Variants in ENTPD3 observed in about 807,000 individuals in gnomAD.
The protein encoded by ENTPD3 is CD39 antigen-like 3.
In ENTPD3, 60 loss-of-function variants were observed where a neutral mutation model predicts 51.2. The ratio of observed to expected loss-of-function variants is 1.17; its 90% confidence interval spans 0.95 to 1.45. ENTPD3 has a LOEUF of 1.45. ENTPD3 is among the 40% of genes most tolerant of loss of function. The probability of loss-of-function intolerance (pLI) is 0.00; values close to 1 mark genes in which losing one functional copy is unlikely to be tolerated. For synonymous variants in ENTPD3, 221 were observed against 238.4 expected (o/e 0.93, Z 0.67); for missense variants, 593 against 641.1 (o/e 0.93, Z 0.81).
At chr3:40,416,387 G>A (rs1039259411) in intron 7 of ENTPD3, among the ~76,000 whole-genome samples, 1 of 152,118 alleles carries the variant, frequency 6.6e-6, no homozygotes, top group Non-Finnish European at 1.5e-5. Flanking sequence ...TTTTAAACCA[G>A]GAGCTAAATA....
chr3:40,388,145 G>A (rs1264271839), intron 2 of ENTPD3, 48 bp downstream of exon 2: 1 of 1,562,574 alleles, frequency 6.4e-7, no homozygotes, highest in Non-Finnish European at 8.8e-7. Flanking sequence ...CAAATCGCAA[G>A]AGAACCCCAG....
chr3:40,388,247 G>A lies in ENTPD3; in HGVS notation c.40+150G>A, dbSNP rs114867479. ...CAGTACTCAGCTGGGTTTCAACACC[G>A]GCATTCCTCAAATAAAAGTAATGCT... is the stretch of plus-strand genomic sequence containing the variant. On this transcript the variant is annotated intron_variant, in intron 2 of 10. Coordinates refer to ENST00000301825, the MANE Select transcript of ENTPD3 (RefSeq NM_001248.4). The A allele has an allele frequency of 1.4e-3, 937 of 685,404 alleles. 4 individuals are homozygous for A. Among genetic ancestry groups the A allele is most frequent in the African/African-American group, 0.013 (755 of 56,280 alleles). 42.5% of individuals were successfully genotyped at this position (685,404 alleles called of 1,614,324 possible).
At chr3:40,397,271 A>AAGGTAAGGACTGAAGTGTGTCTGGGAGT (rs1955227435) in intron 3 of ENTPD3, among the ~76,000 whole-genome samples, 1 of 151,712 alleles carries the variant, frequency 6.6e-6, no homozygotes, top group African/African-American at 2.4e-5. Context: ...TGATTACTGA[A>AAGGTAAGGACTGAAGTGTGTCTGGGAGT]CAGTCATGCC....
At chr3:40,426,111 T>TC (rs1158447235) in intron 10 of ENTPD3, among the ~76,000 whole-genome samples, 17 of 142,950 alleles carry the variant, frequency 1.2e-4, no homozygotes, top group East Asian at 8.0e-4. Context: ...TCTTTTCTTT[T>TC]TTTTTTTTTT....
chr3:40,427,734 T>C lies in ENTPD3; in HGVS notation c.*226T>C. 1 of 558,308 alleles carries C rather than the reference T, an allele frequency of 1.8e-6. No individual in the cohort carries two copies. Among genetic ancestry groups the C allele is most frequent in the African/African-American group, 1.9e-5 (1 of 53,164 alleles). The allele number at this position is 558,308 out of a possible 1,614,324, so 34.6% of individuals were successfully genotyped here. A position where few individuals can be genotyped will look rare whatever the true frequency, so the allele number is the denominator to read the frequency against. ...AGACCTCACTACCCACATGCTGATC[T>C]ATTGGGGAACAGAGAAGAGACAGGC... On this transcript the variant is annotated 3_prime_UTR_variant, in exon 11 of 11. Transcript: ENST00000301825.
rs575889162 is a variant in ENTPD3, at chr3:40,406,034, G to A, written c.286+5023G>A. On this transcript the variant is annotated intron_variant, in intron 4 of 10. Transcript: ENST00000301825. ...TGTTATGAGACTTGCATTCCAATGAGGAAGATAGACAAAAAAATAAACGGG... is the reference window on the plus strand; with the variant it reads ...TGTTATGAGACTTGCATTCCAATGAAGAAGATAGACAAAAAAATAAACGGG... Among the ~76,000 whole-genome samples the A allele has an allele frequency of 1.6e-4, 24 of 152,242 alleles. No homozygotes were observed. In the East Asian group the frequency reaches 3.7e-3, roughly 23 times the overall value.
chr3:40,400,844 C>A, intron 3 of ENTPD3, 50 bp from the exon 4 acceptor site: 2 of 1,441,246 alleles, frequency 1.4e-6, no homozygotes, highest in South Asian at 1.2e-5. Flanking sequence ...AGAAAGCAGT[C>A]CTCAGAGGAG....
At chr3:40,405,555 C>T (rs1463597537) in intron 4 of ENTPD3, among the ~76,000 whole-genome samples, 2 of 151,924 alleles carry the variant, frequency 1.3e-5, no homozygotes, top group East Asian at 1.9e-4. Flanking sequence ...AGCTGAGGTG[C>T]GTGTCTTTGG....
chr3:40,424,118 G>T (rs1955938278), intron 10 of ENTPD3, 155 bp downstream of exon 10: 10 of 985,368 alleles, frequency 1.0e-5, no homozygotes, highest in Non-Finnish European at 1.2e-5. Flanking sequence ...CCCAGAAGAG[G>T]TCATGGAGAA....
chr3:40,395,541 C>T (rs1037703233), intron 3 of ENTPD3, among the ~76,000 whole-genome samples: 6 of 152,146 alleles, frequency 3.9e-5, no homozygotes, highest in African/African-American at 1.2e-4. Flanking sequence ...TGCAGCAGGT[C>T]GGCACTGTGG....
intron 4 of ENTPD3, among the ~76,000 whole-genome samples, chr3:40,408,988 T>C (rs1381292361): frequency 6.6e-6 from 1 of 152,148 alleles, no homozygotes; most frequent in East Asian, 1.9e-4. Context: ...CTGGGTGCAG[T>C]GGCTCACTCC....
intron 3 of ENTPD3, among the ~76,000 whole-genome samples, chr3:40,395,780 C>T (rs1354418801): frequency 6.6e-6 from 1 of 152,192 alleles, no homozygotes; most frequent in Non-Finnish European, 1.5e-5. Flanking sequence ...CTAGTTAAGC[C>T]TTCAGGCAGG....
At chr3:40,388,741 C>T (rs555839177) in intron 2 of ENTPD3, among the ~76,000 whole-genome samples, 5 of 152,272 alleles carry the variant, frequency 3.3e-5, no homozygotes, top group African/African-American at 1.2e-4. Context: ...CATGTTTGTC[C>T]AGCCCTAATG....
At chr3:40,403,218 G>C (rs1355789045) in intron 4 of ENTPD3, among the ~76,000 whole-genome samples, 1 of 152,138 alleles carries the variant, frequency 6.6e-6, no homozygotes, top group Non-Finnish European at 1.5e-5. Flanking sequence ...CCTCCGAGGA[G>C]GGCAGCCAGG....
At chr3:40,424,709 G>C in intron 10 of ENTPD3, 2 of 701,434 alleles carry the variant, frequency 2.9e-6, no homozygotes, top group East Asian at 5.4e-5. Context: ...GCTAAGCCTT[G>C]TGAATATGTT....
At chr3:40,390,642 T>C (rs571961863) in intron 2 of ENTPD3, among the ~76,000 whole-genome samples, 2 of 152,346 alleles carry the variant, frequency 1.3e-5, no homozygotes, top group East Asian at 3.9e-4. Flanking sequence ...GTTTTTAGAA[T>C]AGTAAGGGCA....
At chr3:40,395,389 CAT>C (rs1267195552) in intron 3 of ENTPD3, among the ~76,000 whole-genome samples, 1 of 152,178 alleles carries the variant, frequency 6.6e-6, no homozygotes, top group Admixed American at 6.5e-5. Context: ...GAAAACCACA[CAT>C]GTTGAATGCT....
intron 3 of ENTPD3, among the ~76,000 whole-genome samples, chr3:40,400,664 T>C (rs1407929212): frequency 6.6e-6 from 1 of 152,194 alleles, no homozygotes; most frequent in African/African-American, 2.4e-5. Context: ...TTCTAATGCA[T>C]TGCAAAGTGA....
chr3:40,411,504 G>A (rs887383976), intron 4 of ENTPD3, among the ~76,000 whole-genome samples: 8 of 152,078 alleles, frequency 5.3e-5, no homozygotes, highest in Non-Finnish European at 4.4e-5. Flanking sequence ...CATTGTTGAA[G>A]CTGGGAGATA....
Sources: gnomAD v4.1 joint callset for allele counts (sites outside exome capture counted in the v4.1 genomes callset) on GRCh38, gnomAD v4.1.1 for gene constraint, MANE v1.5 for transcripts, NCBI Gene and HGNC (gene_info 2026-07-23, HGNC 2026-07-21) for gene names.